Variants in REPS2 observed in about 807,000 individuals in gnomAD.
REPS2 encodes RALBP1 associated Eps domain containing 2.
Under a neutral mutation model 53.6 loss-of-function variants are expected in REPS2, and 23 were observed. The ratio of observed to expected loss-of-function variants is 0.43; its 90% CI spans 0.31 to 0.61. The LOEUF (loss-of-function observed/expected upper bound fraction) is 0.61, where lower values mean the gene tolerates loss of function less well. Ranked by LOEUF, REPS2 falls within the 20% of genes least tolerant of loss-of-function variation. The pLI, the probability that REPS2 is intolerant of heterozygous loss-of-function variation, is 0.11. For synonymous variants in REPS2, 238 were observed against 218.6 expected (o/e 1.09, Z -0.78); for missense variants, 446 against 534.9 (o/e 0.83, Z 1.64).
the REPS2 span, among the ~76,000 whole-genome samples, chrX:17,184,911 T>A: frequency 8.9e-6 from 1 of 112,379 alleles, no homozygotes. Flanking sequence ...TTTGTTTTCT[T>A]CTTTACTTTC....
chrX:16,976,506 G>C (rs1241453376), intron 1 of REPS2, among the ~76,000 whole-genome samples: 1 of 110,981 alleles, frequency 9.0e-6, no homozygotes, highest in Non-Finnish European at 1.9e-5. Flanking sequence ...TGGTTTGATA[G>C]GTATAAATAC....
intron 14 of REPS2, among the ~76,000 whole-genome samples, chrX:17,118,765 C>T (rs191120982): frequency 1.4e-3 from 152 of 112,158 alleles, no homozygotes; most frequent in Middle Eastern, 4.7e-3. Context: ...ATCTCAAATG[C>T]TTATTTTTAA....
At chrX:17,104,811 G>GAACCGTC (rs945188207) in intron 14 of REPS2, among the ~76,000 whole-genome samples, 67 of 111,853 alleles carry the variant, frequency 6.0e-4, no homozygotes, top group Non-Finnish European at 1.1e-3. Context: ...GATATTGGTT[G>GAACCGTC]AACCGTCAAC....
At chrX:17,034,606 A>C in intron 5 of REPS2, among the ~76,000 whole-genome samples, 1 of 112,517 alleles carries the variant, frequency 8.9e-6, no homozygotes, top group East Asian at 2.8e-4. Flanking sequence ...TGTTTGGCAA[A>C]TGAATATATT....
chrX:16,965,111 C>T (rs1198183113), intron 1 of REPS2, among the ~76,000 whole-genome samples: 37 of 78,248 alleles, frequency 4.7e-4, no homozygotes, highest in South Asian at 3.4e-3. Flanking sequence ...ACCTCCCTCC[C>T]GGACGGGGCG....
chrX:17,059,854 A>G (rs759910303), intron 8 of REPS2, among the ~76,000 whole-genome samples: 1 of 111,577 alleles, frequency 9.0e-6, no homozygotes, highest in South Asian at 3.8e-4. Context: ...CCCTAATAGT[A>G]AAACTTCAAG....
rs2063533479 is a variant in REPS2 at position 17,148,026 on chromosome X, C to T, written c.*545C>T. On this transcript the variant is annotated 3_prime_UTR_variant, in exon 18 of 18. Coordinates refer to ENST00000357277, the MANE Select transcript of REPS2 (RefSeq NM_004726.3). Reference sequence around the variant, plus strand: ...TAGACTGGCGCTGTGCCCTCTACCACTATATGCCAAAAATTGCTTCTCTAG... The same window carrying T: ...TAGACTGGCGCTGTGCCCTCTACCATTATATGCCAAAAATTGCTTCTCTAG... The T allele has an allele frequency of 8.9e-6, 1 of 112,334 alleles. No homozygotes were observed. The highest frequency in any genetic ancestry group is 3.2e-5 in the African/African-American group (1 of 30,790). The allele number at this position is 112,334 out of a possible 1,213,427, so 9.3% of individuals were successfully genotyped here. A position where few individuals can be genotyped will look rare whatever the true frequency, so the allele number is the denominator to read the frequency against.
the REPS2 span, among the ~76,000 whole-genome samples, chrX:17,185,328 C>T: frequency 9.0e-6 from 1 of 111,372 alleles, no homozygotes; most frequent in African/African-American, 3.3e-5. Flanking sequence ...AGTGTTACTT[C>T]CGTTGCATTG....
chrX:17,049,228 T>G (rs2061947372), intron 6 of REPS2, among the ~76,000 whole-genome samples: 1 of 112,079 alleles, frequency 8.9e-6, no homozygotes, highest in Non-Finnish European at 1.9e-5. Flanking sequence ...TATTTTAGAG[T>G]ATACTCTTAC....
chrX:17,158,767 G>A, the REPS2 span, among the ~76,000 whole-genome samples: 1 of 112,116 alleles, frequency 8.9e-6, no homozygotes, highest in Admixed American at 9.4e-5. Context: ...AGAAACCACT[G>A]TGCAGGCTGA....
chrX:17,054,775 A>G, intron 7 of REPS2, 33 bp from the exon 8 acceptor site: 5 of 1,203,047 alleles, frequency 4.2e-6, no homozygotes, highest in South Asian at 1.8e-5. Context: ...TGTAAGCCCC[A>G]TGGTAGGTAC....
At chrX:17,108,258 C>G (rs1264845268) in intron 14 of REPS2, among the ~76,000 whole-genome samples, 2 of 108,903 alleles carry the variant, frequency 1.8e-5, no homozygotes, top group Non-Finnish European at 3.8e-5. Context: ...ACCGCAACCT[C>G]CACCTCCCCG....
At chrX:16,962,063 G>A (rs1393653209) in intron 1 of REPS2, among the ~76,000 whole-genome samples, 1 of 111,497 alleles carries the variant, frequency 9.0e-6, no homozygotes, top group African/African-American at 3.3e-5. Flanking sequence ...AGCCATTATG[G>A]AAAATGGTAT....
At chrX:17,075,707 G>T (rs1451034834) in intron 12 of REPS2, among the ~76,000 whole-genome samples, 5 of 112,211 alleles carry the variant, frequency 4.5e-5, no homozygotes, top group Admixed American at 3.8e-4. Flanking sequence ...AAACATACAG[G>T]TTATATATGA....
At chrX:16,999,962 G>A (rs1362457334) in intron 1 of REPS2, among the ~76,000 whole-genome samples, 2 of 100,700 alleles carry the variant, frequency 2.0e-5, no homozygotes, top group South Asian at 5.0e-4. Context: ...CAGGAGAATG[G>A]CGTGAACCCG....
chrX:16,966,162 A>G (rs2060765761), intron 1 of REPS2, among the ~76,000 whole-genome samples: 1 of 111,829 alleles, frequency 8.9e-6, no homozygotes, highest in African/African-American at 3.3e-5. Context: ...TTAGAGCAGT[A>G]ACTCTCAAAC....
At chrX:17,157,756 CTTACCA>C (rs2063625377), downstream of REPS2, among the ~76,000 whole-genome samples, 2 of 112,490 alleles carry the variant, frequency 1.8e-5, no homozygotes, top group Non-Finnish European at 1.9e-5. Flanking sequence ...ATTTAGCCTT[CTTACCA>C]TTATCAGGAA....
chrX:17,056,986 C>G (rs1468723350), intron 8 of REPS2, among the ~76,000 whole-genome samples: 1 of 111,502 alleles, frequency 9.0e-6, no homozygotes, highest in Non-Finnish European at 1.9e-5. Flanking sequence ...TGTGTCTTGC[C>G]CTTTTCAAAG....
At chrX:17,086,386 G>A (rs1259442670) in intron 13 of REPS2, among the ~76,000 whole-genome samples, 6 of 112,331 alleles carry the variant, frequency 5.3e-5, no homozygotes, top group Non-Finnish European at 1.1e-4. Flanking sequence ...AGATCCCAGC[G>A]ACCTTTCAAA....
Sources: gnomAD v4.1 joint callset for allele counts (sites outside exome capture counted in the v4.1 genomes callset) on GRCh38, gnomAD v4.1.1 for gene constraint, MANE v1.5 for transcripts, NCBI Gene and HGNC (gene_info 2026-07-23, HGNC 2026-07-21) for gene names.